Variants in LRRN4 observed in about 807,000 individuals in gnomAD.
The protein encoded by LRRN4 is leucine-rich repeat neuronal protein 4.
A neutral mutation model predicts 22.3 loss-of-function variants in LRRN4; 26 were observed. That is an observed-to-expected ratio of 1.16 (90% CI 0.85 to 1.62). The LOEUF (loss-of-function observed/expected upper bound fraction) is 1.62. LRRN4 is among the 40% of genes most tolerant of loss of function. LRRN4 has a pLI of 0.00. For missense variants in LRRN4, 1,070 were observed against 1,008.5 expected, an observed-to-expected ratio of 1.06 and a Z score of -0.83; for synonymous variants, 496 against 486.2, an observed-to-expected ratio of 1.02 and a Z score of -0.26.
Position 6,052,501 on chromosome 20 carries a change from T to G in LRRN4, c.299A>C (p.Gln100Pro), listed in dbSNP as rs773765363. The change falls in exon 2 of 5, where the codon CAG becomes CCG. Residue 100 changes from glutamine to proline, a missense_variant. Gln to Pro is a moderately conservative substitution (Grantham distance 76, BLOSUM62 -1). Transcript: ENST00000378858. ...GTGGCGCAGGGTCAGCACCTGCAGC[T>G]GCTCCAGGTGGCCGAGCTCGGAAGT... The part of the protein sequence containing the change: ...LSTSELGHLE[Q>P]LQVLTLRHNR... The G allele has an allele frequency of 1.9e-6, 3 of 1,580,636 alleles. No homozygotes were observed. Among genetic ancestry groups the G allele is most frequent in the African/African-American group, 2.7e-5 (2 of 74,540 alleles).
Position 6,042,103 on chromosome 20 carries a change from G to T in LRRN4, c.1142C>A (p.Ser381Tyr). 6.2e-7 allele frequency: 1 copy of T among 1,614,166 alleles called. No homozygotes were observed. Among genetic ancestry groups the T allele is most frequent in the Admixed American group, 1.7e-5 (1 of 60,030 alleles). The change falls in exon 5 of 5, where the codon TCC (serine) becomes TAC (tyrosine). Residue 381 changes from serine to tyrosine, a missense_variant. Ser to Tyr is a moderately radical substitution (Grantham distance 144, BLOSUM62 -2). Coordinates refer to ENST00000378858, the MANE Select transcript of LRRN4 (RefSeq NM_152611.5). ...GACGGTGGTACCCTGTGCGTAGGTG[G>T]AGCGGTTGAAGCAAGGTGGGTGTGA... is the stretch of plus-strand genomic sequence containing the variant. ...GASHPPCFNR[S>Y]TYAQGTTVAP...
Position 6,052,657 on chromosome 20 carries a change from C to T in LRRN4, c.143G>A (p.Cys48Tyr). ...SSGSNATDSP[C>Y]EGLPAADATA... Reference sequence around the variant, plus strand: ...CGCATCCGCGGCGGGCAGCCCCTCGCAGGGCGAGTCGGTGGCGTTGCTGCC... The same window carrying T: ...CGCATCCGCGGCGGGCAGCCCCTCGTAGGGCGAGTCGGTGGCGTTGCTGCC... The change falls in exon 2 of 5, where the codon TGC becomes TAC. Residue 48 changes from cysteine (C) to tyrosine (Y), a missense_variant. Cys to Tyr is a radical substitution (Grantham distance 194). Coordinates refer to ENST00000378858, the MANE Select transcript of LRRN4 (RefSeq NM_152611.5). 1 of 1,582,800 alleles carries T rather than the reference C, an allele frequency of 6.3e-7. No individual in the cohort carries two copies. The highest frequency in any genetic ancestry group is 1.3e-5 in the African/African-American group (1 of 74,750).
rs1429944652 is a variant in LRRN4, at chr20:6,041,220, G to T, written c.2025C>A (p.Thr675=). ...GCAGGAGCGCGAAGCTGGGCTTGGTGGTGAAGGCGGCGCACGGGCTCCTCC... is the reference window on the plus strand; with the variant it reads ...GCAGGAGCGCGAAGCTGGGCTTGGTTGTGAAGGCGGCGCACGGGCTCCTCC... The part of the protein sequence containing the change: ...SGWRSPCAAF[T]TKPSFALLLS... The change falls in exon 5 of 5, where the codon ACC becomes ACA. Residue 675 remains threonine, a synonymous_variant. Coordinates refer to ENST00000378858, the MANE Select transcript of LRRN4 (RefSeq NM_152611.5). This position sits in a 1 kb window ranked among gnomAD's most constrained non-coding sequence, Gnocchi z 9.4. The T allele has an allele frequency of 1.3e-6, 2 of 1,585,074 alleles. No individual in the cohort carries two copies. The highest frequency in any genetic ancestry group is 8.6e-7 in the Non-Finnish European group (1 of 1,164,276).
intron 1 of LRRN4, 94 bp from the exon 2 acceptor site, chr20:6,052,898 G>T: frequency 7.8e-7 from 1 of 1,290,078 alleles, no homozygotes; most frequent in Non-Finnish European, 1.0e-6. Flanking sequence ...AGGGCTCTGA[G>T]GAGGAGCACA....
Position 6,040,803 on chromosome 20 carries a change from A to G in LRRN4, c.*219T>C. On this transcript the variant is annotated 3_prime_UTR_variant, in exon 5 of 5. Transcript: ENST00000378858. Reference sequence around the variant, plus strand: ...GGCAGTGGGGAGCGATCTGGCATTGACCATCAGGTTTCTGGGAACAGAGTT... The same window carrying G: ...GGCAGTGGGGAGCGATCTGGCATTGGCCATCAGGTTTCTGGGAACAGAGTT... 1 of 633,616 alleles carries G rather than the reference A, an allele frequency of 1.6e-6. No homozygotes were observed. Among genetic ancestry groups the G allele is most frequent in the Non-Finnish European group, 2.7e-6 (1 of 374,250 alleles). 39.2% of individuals were successfully genotyped at this position (633,616 alleles called of 1,614,324 possible).
At position 6,041,816 on chromosome 20, in the gene LRRN4, G is replaced by C; in HGVS notation, c.1429C>G (p.Pro477Ala). The change falls in exon 5 of 5, where the codon CCA (proline) becomes GCA (alanine). Residue 477 changes from proline to alanine, a missense_variant. Coordinates refer to ENST00000378858, the MANE Select transcript of LRRN4 (RefSeq NM_152611.5). This position sits in a 1 kb window ranked among gnomAD's most constrained non-coding sequence, Gnocchi z 9.4. ...GGGCCCAGGAGCTTGCTGGCCAGTG[G>C]GGTGGAGGCAGCTGAGATATCAGGC... ...LEPDISAAST[P>A]LASKLLGPFP... 6.2e-7 allele frequency: 1 copy of C among 1,614,176 alleles called. No individual in the cohort carries two copies.
intron 4 of LRRN4, among the ~76,000 whole-genome samples, chr20:6,044,077 G>A (rs981185908): frequency 6.6e-6 from 1 of 152,160 alleles, no homozygotes; most frequent in African/African-American, 2.4e-5. Context: ...GCTCCTCACT[G>A]CAAAAACAGC....
chr20:6,052,504 T>A lies in LRRN4; in HGVS notation c.296A>T (p.Glu99Val). The change falls in exon 2 of 5, where the codon GAG becomes GTG. Residue 99 changes from glutamate to valine, a missense_variant. Physicochemically the swap from Glu to Val is moderately radical, Grantham distance 121. Transcript: ENST00000378858. ...ALSTSELGHL[E>V]QLQVLTLRHN... is the part of the protein sequence containing the mutation. The stretch of plus-strand genomic sequence containing the variant: ...GCGCAGGGTCAGCACCTGCAGCTGC[T>A]CCAGGTGGCCGAGCTCGGAAGTGCT... 6.3e-7 allele frequency: 1 copy of A among 1,581,830 alleles called. No homozygotes were observed. The highest frequency in any genetic ancestry group is 8.5e-7 in the Non-Finnish European group (1 of 1,172,476).
At chr20:6,047,465 CACAG>C (rs879815310) in intron 3 of LRRN4, among the ~76,000 whole-genome samples, 11,131 of 141,932 alleles carry the variant, frequency 0.078, 508 homozygotes, top group Middle Eastern at 0.18. Context: ...CACACACACA[CACAG>C]AGACACACAC....
chr20:6,041,689 A>G lies in LRRN4; in HGVS notation c.1556T>C (p.Ile519Thr), dbSNP rs779632271. ...GTAGTCGTCCAGCAGCAAGACTGGA[A>G]TCTCGCCCTCGGAAAGACTCGGGTT... is the stretch of plus-strand genomic sequence containing the variant. Reference protein sequence around the residue: ...APNPSLSEGEIPVLLLDDYSE... With the variant: ...APNPSLSEGETPVLLLDDYSE... The change falls in exon 5 of 5, where the codon ATT (isoleucine) becomes ACT (threonine). Residue 519 changes from isoleucine (I) to threonine (T), a missense_variant. Coordinates refer to ENST00000378858, the MANE Select transcript of LRRN4 (RefSeq NM_152611.5). The surrounding 1 kb of genome is among the most constrained non-coding windows in gnomAD (Gnocchi z 9.4). 1.2e-6 allele frequency: 2 copies of G among 1,613,078 alleles called. No individual in the cohort carries two copies. The highest frequency in any genetic ancestry group is 1.7e-5 in the Admixed American group (1 of 59,968).
rs746968171 is a variant in LRRN4 at position 6,052,812 on chromosome 20, G to A, written c.-5-8C>T. 3 of 1,551,622 alleles carry A rather than the reference G, an allele frequency of 1.9e-6. No individual in the cohort carries two copies. Among genetic ancestry groups the A allele is most frequent in the African/African-American group, 2.7e-5 (2 of 73,834 alleles). The stretch of plus-strand genomic sequence containing the variant: ...GGGTTTGCCGCATGGCGTCTGGGGA[G>A]AGAACAGCAGGACGCCCATCAAATC... On this transcript the variant is annotated splice_polypyrimidine_tract_variant and splice_region_variant and intron_variant, in intron 1 of 4. Transcript: ENST00000378858.
chr20:6,047,227 C>A (rs905872605), intron 3 of LRRN4, among the ~76,000 whole-genome samples: 3 of 152,106 alleles, frequency 2.0e-5, no homozygotes, highest in African/African-American at 7.2e-5. Context: ...TTCTCTACTT[C>A]TGATAGGGCC....
At chr20:6,051,199 G>C (rs935426414) in intron 2 of LRRN4, among the ~76,000 whole-genome samples, 2 of 152,206 alleles carry the variant, frequency 1.3e-5, no homozygotes, top group Non-Finnish European at 2.9e-5. Flanking sequence ...AATCTGAGTC[G>C]GCCAAGGCCA....
chr20:6,044,790 G>T, intron 3 of LRRN4, 110 bp from the exon 4 acceptor site: 1 of 1,023,332 alleles, frequency 9.8e-7, no homozygotes, highest in African/African-American at 1.7e-5. Context: ...GAAGCATTCT[G>T]ATAGGGGTTG....
At chr20:6,042,502 C>T (rs1326967524) in intron 4 of LRRN4, among the ~76,000 whole-genome samples, 3 of 152,194 alleles carry the variant, frequency 2.0e-5, no homozygotes, top group Non-Finnish European at 2.9e-5. Flanking sequence ...TTGCCCAAGA[C>T]ACCATAGCTA....
intron 3 of LRRN4, 39 bp from the exon 4 acceptor site, chr20:6,044,719 T>C: frequency 6.9e-7 from 1 of 1,458,986 alleles, no homozygotes; most frequent in Non-Finnish European, 9.1e-7. Context: ...GTCAGGTTTT[T>C]ACAATTGTAT....
intron 2 of LRRN4, among the ~76,000 whole-genome samples, chr20:6,051,834 AC>A (rs1207456078): frequency 1.3e-5 from 2 of 152,124 alleles, no homozygotes; most frequent in Non-Finnish European, 2.9e-5. Flanking sequence ...TGGGCTCTGG[AC>A]CCAGAATGCC....
rs1981061129 is a variant in LRRN4 at position 6,044,665 on chromosome 20, G to A, written c.876C>T (p.Ser292=). ...AGGAATCCAGGGTCCAAGGAGGGAA[G>A]GAACTCAAGTTGCAGCTGAAATACA... ...VLLFQNCNLS[S]FPPWTLDSSQ... Residue 292 remains serine, a synonymous_variant, in exon 4 of 5, where the codon TCC becomes TCT. Transcript: ENST00000378858. The A allele has an allele frequency of 4.5e-6, 7 of 1,546,106 alleles. No individual in the cohort carries two copies. The highest frequency in any genetic ancestry group is 6.1e-6 in the Non-Finnish European group (7 of 1,149,744).
rs375833137 is a variant in LRRN4, at chr20:6,041,895, G to T, written c.1350C>A (p.Ala450=). The T allele has an allele frequency of 9.0e-5, 145 of 1,614,056 alleles. 1 individual carries two copies. Among genetic ancestry groups the T allele is most frequent in the Non-Finnish European group, 1.2e-4 (136 of 1,180,030 alleles). Residue 450 remains alanine (A), a synonymous_variant, in exon 5 of 5, where the codon GCC becomes GCA. Transcript: ENST00000378858. The surrounding 1 kb of genome is among the most constrained non-coding windows in gnomAD (Gnocchi z 9.4). ...CTCGGTGCTGGGTCCTGGTGGTGCT[G>T]GCAGCCCTGGGGAAAACGCTGGAGT... ...HSNSSVFPRA[A]STTRTQHRGE... is the part of the protein sequence containing the mutation.
Sources: gnomAD v4.1 joint callset for allele counts (sites outside exome capture counted in the v4.1 genomes callset) on GRCh38, gnomAD v4.1.1 for gene constraint, Gnocchi (gnomAD v3.1) non-coding constraint, MANE v1.5 for transcripts, NCBI Gene and HGNC (gene_info 2026-07-23, HGNC 2026-07-21) for gene names.